The following ISY1 variants were observed in gnomAD, a reference collection of about 807,000 sequenced individuals.
ISY1 encodes the protein pre-mRNA-splicing factor ISY1 homolog.
ISY1 carries 12 observed loss-of-function variants against 54.4 expected under a neutral mutation model. The observed-to-expected ratio is 0.22, with a 90% confidence interval of 0.14 to 0.36. ISY1 has a LOEUF of 0.36. Among genes scored for constraint, ISY1 ranks in the 10% least tolerant of loss-of-function variants. The pLI is 1.00. For missense variants in ISY1, 282 were observed against 342.2 expected, an observed-to-expected ratio of 0.82 and a Z score of 1.39; for synonymous variants, 96 against 117.9, an observed-to-expected ratio of 0.81 and a Z score of 1.20.
At chr3:129,136,196 G>A (rs143576040) in intron 7 of ISY1, among the ~76,000 whole-genome samples, 11,418 of 151,714 alleles carry the variant, frequency 0.075, 1,423 homozygotes, top group African/African-American at 0.26. Context: ...CTGCATCCCG[G>A]GTTCAAGCGA....
At position 129,134,181 on chromosome 3, in the gene ISY1, C is replaced by T; in HGVS notation, c.556G>A (p.Val186Met). 1 of 1,614,208 alleles carries T rather than the reference C, an allele frequency of 6.2e-7. No individual in the cohort carries two copies. Among genetic ancestry groups the T allele is most frequent in the Non-Finnish European group, 8.5e-7 (1 of 1,180,044 alleles). The change falls in exon 9 of 11, where the codon GTG becomes ATG. Residue 186 changes from valine (V) to methionine (M), a missense_variant. Val to Met is a conservative substitution (Grantham distance 21, BLOSUM62 1). Coordinates refer to ENST00000393295, the MANE Select transcript of ISY1 (RefSeq NM_020701.4). ...TCTCTCTCTGCTTTCCACTTTTCCA[C>T]TAACTCGGCTCTGACTGAACACAAG... ...EYEKKLRAEL[V>M]EKWKAEREAR...
intron 5 of ISY1, among the ~76,000 whole-genome samples, chr3:129,146,347 A>G (rs1936765369): frequency 6.6e-6 from 1 of 152,188 alleles, no homozygotes; most frequent in South Asian, 2.1e-4. Context: ...TAGGGCTAAG[A>G]ATTATGCCTA....
intron 7 of ISY1, among the ~76,000 whole-genome samples, chr3:129,138,037 G>C (rs1936476214): frequency 6.7e-6 from 1 of 148,684 alleles, no homozygotes; most frequent in Non-Finnish European, 1.5e-5. Context: ...AGCATTTTGG[G>C]AGACCAAGGC....
chr3:129,159,133 C>G, intron 2 of ISY1, 21 bp downstream of exon 2: 1 of 1,603,720 alleles, frequency 6.2e-7, no homozygotes, highest in Non-Finnish European at 8.5e-7. Context: ...AATTTACAGC[C>G]AAAAACAAGT....
intron 5 of ISY1, among the ~76,000 whole-genome samples, chr3:129,153,671 A>C (rs1192423623): frequency 6.6e-6 from 1 of 152,022 alleles, no homozygotes; most frequent in African/African-American, 2.4e-5. Flanking sequence ...CTGTAGGCCC[A>C]GCTACTCAGG....
At position 129,160,987 on chromosome 3, in the gene ISY1, G is replaced by A; in HGVS notation, c.-12C>T. ...ACCCTACTCACCATGGTGTCGCTAA[G>A]GGCGCCGTCCTGGAGCCCCGCGGCC... On this transcript the variant is annotated 5_prime_UTR_variant, in exon 1 of 11. Transcript: ENST00000393295. 7.3e-7 allele frequency: 1 copy of A among 1,361,230 alleles called. No individual in the cohort carries two copies. The highest frequency in any genetic ancestry group is 9.7e-7 in the Non-Finnish European group (1 of 1,031,540). The allele number at this position is 1,361,230 out of a possible 1,614,324, so 84.3% of individuals were successfully genotyped here.
At chr3:129,134,328 C>G (rs1936328812) in intron 8 of ISY1, 133 bp from the exon 9 acceptor site, 2 of 1,495,550 alleles carry the variant, frequency 1.3e-6, no homozygotes, top group Non-Finnish European at 1.8e-6. Flanking sequence ...CATTCTGCCC[C>G]CGTGGGTGGA....
Position 129,134,044 on chromosome 3 carries a change from G to A in ISY1, c.663+30C>T, listed in dbSNP as rs144548237. ...ACTTCATGGCTTGGAACAGATGGCAGTGAGTGCCAGAGGGGGCCAACCCCA... is the reference window on the plus strand; with the variant it reads ...ACTTCATGGCTTGGAACAGATGGCAATGAGTGCCAGAGGGGGCCAACCCCA... On this transcript the variant is annotated intron_variant, in intron 9 of 10. Coordinates refer to ENST00000393295, the MANE Select transcript of ISY1 (RefSeq NM_020701.4). 320 of 1,613,266 alleles carry A rather than the reference G, an allele frequency of 2.0e-4. 2 individuals carry two copies. In the East Asian group the frequency reaches 7.1e-3, roughly 36 times the overall value.
chr3:129,160,922 C>A, intron 1 of ISY1, 51 bp downstream of exon 1: 2 of 586,762 alleles, frequency 3.4e-6, no homozygotes, highest in Non-Finnish European at 3.2e-6. Context: ...CTGGGCGCCC[C>A]CCCGCCCGCC....
At chr3:129,130,263 G>T in intron 10 of ISY1, 75 bp from the exon 11 acceptor site, 1 of 1,504,242 alleles carries the variant, frequency 6.6e-7, no homozygotes, top group Non-Finnish European at 8.9e-7. Context: ...CCAGGAGGAA[G>T]TCCCCGTGGG....
intron 7 of ISY1, among the ~76,000 whole-genome samples, chr3:129,136,498 G>C (rs967760593): frequency 2.0e-5 from 3 of 151,748 alleles, no homozygotes; most frequent in Non-Finnish European, 4.4e-5. Context: ...TGTAATCCCA[G>C]CATGTTTTTT....
intron 6 of ISY1, chr3:129,144,030 G>A (rs969528208): frequency 4.4e-6 from 1 of 226,662 alleles, no homozygotes; most frequent in African/African-American, 2.3e-5. Flanking sequence ...GAATTTGGGT[G>A]GTGGAACTTA....
At chr3:129,142,722 C>A (rs1226287072) in intron 6 of ISY1, among the ~76,000 whole-genome samples, 1 of 151,998 alleles carries the variant, frequency 6.6e-6, no homozygotes, top group African/African-American at 2.4e-5. Flanking sequence ...CCAGCCTGGG[C>A]AACATAATGG....
intron 8 of ISY1, 62 bp from the exon 9 acceptor site, chr3:129,134,257 A>G: frequency 1.9e-6 from 3 of 1,609,016 alleles, no homozygotes; most frequent in Admixed American, 3.3e-5. Context: ...AACACTATGC[A>G]GGGAAAGGCC....
chr3:129,139,569 CAGG>C (rs1177714256), intron 7 of ISY1, among the ~76,000 whole-genome samples: 1 of 151,772 alleles, frequency 6.6e-6, no homozygotes, highest in Non-Finnish European at 1.5e-5. Flanking sequence ...AAATTATATT[CAGG>C]AGGTTTGGCT....
intron 8 of ISY1, 121 bp downstream of exon 8, chr3:129,134,711 A>C: frequency 2.2e-6 from 3 of 1,337,956 alleles, no homozygotes; most frequent in Non-Finnish European, 3.0e-6. Context: ...TCACGCCTGA[A>C]GATCATTAGC....
At chr3:129,138,141 G>A (rs907664009) in intron 7 of ISY1, among the ~76,000 whole-genome samples, 3 of 149,966 alleles carry the variant, frequency 2.0e-5, no homozygotes, top group African/African-American at 7.4e-5. Flanking sequence ...TGCCGGGCAT[G>A]GTGGCGGGCG....
intron 3 of ISY1, 116 bp downstream of exon 3, chr3:129,158,392 C>T (rs1358051681): frequency 2.1e-6 from 3 of 1,426,830 alleles, no homozygotes; most frequent in Non-Finnish European, 2.9e-6. Context: ...CTCCTAGACT[C>T]AAGTGATCCA....
Position 129,134,181 on chromosome 3 carries a change from C to A in ISY1, c.556G>T (p.Val186Leu). The A allele has an allele frequency of 3.7e-6, 6 of 1,614,208 alleles. No individual in the cohort carries two copies. The highest frequency in any genetic ancestry group is 5.1e-6 in the Non-Finnish European group (6 of 1,180,044). The part of the protein sequence containing the change: ...EYEKKLRAEL[V>L]EKWKAEREAR... ...TCTCTCTCTGCTTTCCACTTTTCCA[C>A]TAACTCGGCTCTGACTGAACACAAG... The change falls in exon 9 of 11, where the codon GTG (valine) becomes TTG (leucine). Residue 186 changes from valine to leucine, a missense_variant. This residue lies in a region of ISY1 where 279 missense variants were observed against 323.6 expected (regional missense o/e 0.86). Coordinates refer to ENST00000393295, the MANE Select transcript of ISY1 (RefSeq NM_020701.4).
Sources: gnomAD v4.1 joint callset for allele counts (sites outside exome capture counted in the v4.1 genomes callset) on GRCh38, gnomAD v4.1.1 for gene constraint, gnomAD v4.1.1 regional missense constraint, MANE v1.5 for transcripts, NCBI Gene and HGNC (gene_info 2026-07-23, HGNC 2026-07-21) for gene names.